TPRX1: variants seen among roughly 807,000 people sequenced by gnomAD.
TPRX1 encodes the protein tetra-peptide repeat homeobox protein 1.
A neutral mutation model predicts 8.1 loss-of-function variants in TPRX1; 2 were observed. The ratio of observed to expected loss-of-function variants is 0.25; its 90% CI spans 0.10 to 0.78. The LOEUF is 0.78. TPRX1 is among the 30% of genes least tolerant of loss of function. The pLI is 0.70. For missense variants in TPRX1, 517 were observed against 586.9 expected, an observed-to-expected ratio of 0.88 and a Z score of 1.23; for synonymous variants, 257 against 254.1, an observed-to-expected ratio of 1.01 and a Z score of -0.11.
chr19:47,815,117 T>TATATATATATATATGCAA (rs1555799984), intron 2 of TPRX1, among the ~76,000 whole-genome samples: 12 of 70,884 alleles, frequency 1.7e-4, no homozygotes, highest in East Asian at 5.9e-4. Context: ...AGATAAATTA[T>TATATATATATATATGCAA]ATATATATAT....
chr19:47,812,797 C>T (rs1478983748), intron 2 of TPRX1, among the ~76,000 whole-genome samples: 1 of 150,410 alleles, frequency 6.6e-6, no homozygotes, highest in Non-Finnish European at 1.5e-5. Context: ...AAAAAAACCC[C>T]CCAAAACCAA....
chr19:47,814,480 G>A (rs1216917808), intron 2 of TPRX1, among the ~76,000 whole-genome samples: 2 of 152,172 alleles, frequency 1.3e-5, no homozygotes, highest in African/African-American at 4.8e-5. Flanking sequence ...GCAACATAGC[G>A]AGACCCTGTC....
chr19:47,803,728 C>A lies in TPRX1; in HGVS notation c.152-55G>T. On this transcript the variant is annotated intron_variant, in intron 2 of 3. Coordinates refer to ENST00000535759, the Ensembl canonical transcript of TPRX1. ...AACCCCCAGGCAGCCCCCAGCCCCCCTAGGGACCCCGTCCCCTGCACCAGG... is the reference window on the plus strand; with the variant it reads ...AACCCCCAGGCAGCCCCCAGCCCCCATAGGGACCCCGTCCCCTGCACCAGG... 1.0e-5 allele frequency: 8 copies of A among 763,202 alleles called. No homozygotes were observed. The South Asian group carries it at 1.1e-4, about 11-fold the overall frequency. 47.3% of individuals were successfully genotyped at this position (763,202 alleles called of 1,614,324 possible).
exon 4 of TPRX1, chr19:47,801,544 C>T (rs1967662923): frequency 5.9e-6 from 3 of 507,334 alleles, no homozygotes; most frequent in Non-Finnish European, 1.0e-5. Context: ...CCAGATATCC[C>T]AGTGAGCAGC....
intron 2 of TPRX1, among the ~76,000 whole-genome samples, chr19:47,808,062 TGG>T (rs1967750441): frequency 6.6e-6 from 1 of 152,118 alleles, no homozygotes; most frequent in African/African-American, 2.4e-5. Context: ...CCTGAGTAGG[TGG>T]GACTACAGGC....
exon 4 of TPRX1, chr19:47,801,814 A>G (rs1356678706): frequency 1.2e-6 from 2 of 1,613,932 alleles, no homozygotes; most frequent in South Asian, 1.1e-5. Flanking sequence ...AGTGATTTTC[A>G]TTCACAGAGC....
chr19:47,811,647 C>A lies in TPRX1; in HGVS notation c.151+6821G>T, dbSNP rs370090851. ...CTGAGTAGCTGGGACTACAGTCATGCGCCACCACGCCCAGCTAATTTTTGT... is the reference window on the plus strand; with the variant it reads ...CTGAGTAGCTGGGACTACAGTCATGAGCCACCACGCCCAGCTAATTTTTGT... On this transcript the variant is annotated intron_variant, in intron 2 of 3. Coordinates refer to ENST00000535759, the Ensembl canonical transcript of TPRX1. Among the ~76,000 whole-genome samples, 27 of 151,120 alleles carry A rather than the reference C, an allele frequency of 1.8e-4. 2 individuals carry two copies. The highest frequency in any genetic ancestry group is 1.1e-3 in the Admixed American group (17 of 15,144).
chr19:47,817,126 T>C (rs1967851265), intron 2 of TPRX1, among the ~76,000 whole-genome samples: 1 of 152,194 alleles, frequency 6.6e-6, no homozygotes, highest in South Asian at 2.1e-4. Flanking sequence ...AGGTAAGGCC[T>C]GAATGCTCAC....
rs188565086 is a variant in TPRX1 at position 47,816,802 on chromosome 19, G to A, written c.151+1666C>T. On this transcript the variant is annotated intron_variant, in intron 2 of 3. Coordinates refer to ENST00000535759, the Ensembl canonical transcript of TPRX1. Reference sequence around the variant, plus strand: ...CCGCCTTGGCCTCCCAAAGTGCTGGGATTACAGGCGTGAGCCACCACGCCC... The same window carrying A: ...CCGCCTTGGCCTCCCAAAGTGCTGGAATTACAGGCGTGAGCCACCACGCCC... Among the ~76,000 whole-genome samples the A allele has an allele frequency of 6.6e-5, 10 of 152,286 alleles. No homozygotes were observed. The East Asian group carries it at 1.9e-3, about 29-fold the overall frequency.
intron 2 of TPRX1, among the ~76,000 whole-genome samples, chr19:47,814,949 G>T (rs937212573): frequency 8.7e-5 from 13 of 149,208 alleles, no homozygotes; most frequent in African/African-American, 3.2e-4. Flanking sequence ...ACAGGCATGT[G>T]CCACCATGCC....
chr19:47,803,181 GTGGGA>G (rs1354397598), intron 3 of TPRX1, among the ~76,000 whole-genome samples: 1 of 151,712 alleles, frequency 6.6e-6, no homozygotes, highest in Non-Finnish European at 1.5e-5. Context: ...GGAGGGTGGG[GTGGGA>G]TGGGAGGAGC....
At chr19:47,804,072 C>A (rs1967711269) in intron 2 of TPRX1, among the ~76,000 whole-genome samples, 1 of 149,948 alleles carries the variant, frequency 6.7e-6, no homozygotes, top group African/African-American at 2.5e-5. Flanking sequence ...CTTTCTTTTT[C>A]TTGGAGGGGA....
At chr19:47,808,457 G>C (rs763630106) in intron 2 of TPRX1, among the ~76,000 whole-genome samples, 2 of 150,172 alleles carry the variant, frequency 1.3e-5, no homozygotes, top group African/African-American at 4.9e-5. Context: ...ACCGAGTCTC[G>C]ATCTGTCACC....
intron 2 of TPRX1, among the ~76,000 whole-genome samples, chr19:47,804,952 G>C (rs560240373): frequency 2.6e-5 from 4 of 152,180 alleles, no homozygotes; most frequent in African/African-American, 9.6e-5. Context: ...GACCAATGCC[G>C]GTGAGTCTAC....
chr19:47,809,259 C>T (rs1021383386), intron 2 of TPRX1, among the ~76,000 whole-genome samples: 2 of 151,986 alleles, frequency 1.3e-5, no homozygotes, highest in African/African-American at 2.4e-5. Flanking sequence ...TATACATATA[C>T]ATATTCTTTT....
exon 4 of TPRX1, chr19:47,802,528 G>A: frequency 6.4e-7 from 1 of 1,550,414 alleles, no homozygotes; most frequent in Non-Finnish European, 8.7e-7. Flanking sequence ...CTGGGATCGG[G>A]GCTGGGCCTG....
At position 47,815,162 on chromosome 19, in the gene TPRX1, A is replaced by ATAT. The variant is rs1360730858; in HGVS notation, c.151+3305_151+3306insATA. ...TATATATGCAAATATATATATATAT[A>ATAT]TTTTTTTTTTTTGAGACAGTCTTGC... is the stretch of plus-strand genomic sequence containing the variant. On this transcript the variant is annotated intron_variant, in intron 2 of 3. Transcript: ENST00000535759. Among the ~76,000 whole-genome samples the ATAT allele has an allele frequency of 3.7e-3, 273 of 74,678 alleles. 12 individuals are homozygous for ATAT. The highest frequency in any genetic ancestry group is 0.03 in the Admixed American group (185 of 6,128). The allele number at this position is 74,678 out of a possible 152,430, so 49.0% of individuals were successfully genotyped here. A position where few individuals can be genotyped will look rare whatever the true frequency, so the allele number is the denominator to read the frequency against.
intron 2 of TPRX1, among the ~76,000 whole-genome samples, chr19:47,815,164 T>TGCAAATATA: frequency 2.0e-5 from 1 of 49,910 alleles, no homozygotes; most frequent in Non-Finnish European, 4.2e-5. Flanking sequence ...ATATATATAT[T>TGCAAATATA]TTTTTTTTTT....
At chr19:47,815,129 T>TATGCAAATATATATATATATGCAA (rs1555800032) in intron 2 of TPRX1, among the ~76,000 whole-genome samples, 6 of 101,790 alleles carry the variant, frequency 5.9e-5, no homozygotes, top group African/African-American at 1.8e-4. Context: ...TATATATATA[T>TATGCAAATATATATATATATGCAA]ATATATATAT....
Sources: allele counts gnomAD v4.1 joint callset (sites outside exome capture counted in the v4.1 genomes callset), GRCh38; gene constraint gnomAD v4.1.1; transcripts MANE v1.5; gene names NCBI Gene and HGNC (gene_info 2026-07-23, HGNC 2026-07-21).